ELP4: variants seen among roughly 807,000 people sequenced by gnomAD.
ELP4 encodes the protein elongator acetyltransferase complex subunit 4, also known as elongator complex protein 4.
Under a neutral mutation model 48.9 loss-of-function variants are expected in ELP4, and 51 were observed. That is an observed-to-expected ratio of 1.04 (90% CI 0.83 to 1.32). The LOEUF is 1.32. ELP4 is among the 40% of genes most tolerant of loss of function. The probability of loss-of-function intolerance (pLI) is 0.00; values close to 1 mark genes in which losing one functional copy is unlikely to be tolerated. For synonymous variants in ELP4, 210 were observed against 189.2 expected, an observed-to-expected ratio of 1.11 and a Z score of -0.90; for missense variants, 519 against 514.6, an observed-to-expected ratio of 1.01 and a Z score of -0.08.
intron 9 of ELP4, among the ~76,000 whole-genome samples, chr11:31,774,455 C>T (rs369251926): frequency 1.8e-4 from 27 of 152,280 alleles, no homozygotes; most frequent in African/African-American, 6.5e-4. Context: ...GCCCCAATTG[C>T]CAAATTGTTA....
chr11:31,708,727 CTT>C (rs980354802), intron 9 of ELP4, among the ~76,000 whole-genome samples: 2 of 152,080 alleles, frequency 1.3e-5, no homozygotes, highest in African/African-American at 4.8e-5. Context: ...AGTCAACTAA[CTT>C]TTAATTTCTT....
chr11:31,669,220 T>TC (rs924476946), intron 9 of ELP4, among the ~76,000 whole-genome samples: 1 of 151,988 alleles, frequency 6.6e-6, no homozygotes, highest in Non-Finnish European at 1.5e-5. Context: ...TGCCTCAGCC[T>TC]CCCGAGTAGC....
chr11:31,551,328 T>C (rs1956847807), intron 3 of ELP4, among the ~76,000 whole-genome samples: 1 of 152,212 alleles, frequency 6.6e-6, no homozygotes, highest in Non-Finnish European at 1.5e-5. Context: ...TCCTTGAAAT[T>C]AGTTATCCAT....
chr11:31,517,483 A>T (rs1052652237), intron 1 of ELP4, among the ~76,000 whole-genome samples: 1 of 152,100 alleles, frequency 6.6e-6, no homozygotes, highest in African/African-American at 2.4e-5. Flanking sequence ...AACTTTTGTT[A>T]CTAAGTTTTT....
intron 9 of ELP4, among the ~76,000 whole-genome samples, chr11:31,664,658 A>T (rs902530716): frequency 6.6e-6 from 1 of 152,306 alleles, no homozygotes; most frequent in African/African-American, 2.4e-5. Flanking sequence ...ATATTAAAAT[A>T]GTCCCATAAA....
intron 1 of ELP4, among the ~76,000 whole-genome samples, chr11:31,513,110 G>A (rs923808953): frequency 1.3e-5 from 2 of 151,982 alleles, no homozygotes; most frequent in Non-Finnish European, 1.5e-5. Context: ...TTAATGTGTA[G>A]CATGGGATAA....
chr11:31,657,892 G>A (rs1945471429), intron 9 of ELP4, among the ~76,000 whole-genome samples: 1 of 151,800 alleles, frequency 6.6e-6, no homozygotes, highest in Non-Finnish European at 1.5e-5. Context: ...GTTTAACAGA[G>A]GCCTAGGACT....
rs2134138951 is a variant in ELP4 at position 31,691,368 on chromosome 11, T to TA, written c.1143+41149dup. ...CAGGGATAAGCTGCTCACTTAGATA[T>TA]AATATATCTAATGACCTTTTCAGTT... is the stretch of plus-strand genomic sequence containing the variant. On this transcript the variant is annotated intron_variant, in intron 9 of 9. Transcript: ENST00000640961. 2.0e-5 allele frequency among the ~76,000 whole-genome samples: 3 copies of TA among 152,234 alleles called. No individual in the cohort carries two copies. The South Asian group carries it at 6.2e-4, about 32-fold the overall frequency.
chr11:31,586,389 T>C (rs541380561), intron 3 of ELP4, among the ~76,000 whole-genome samples: 1 of 152,170 alleles, frequency 6.6e-6, no homozygotes, highest in Non-Finnish European at 1.5e-5. Context: ...GGGGAAGGAA[T>C]AATATAAAGC....
chr11:31,640,830 G>A (rs1945080263), intron 7 of ELP4, among the ~76,000 whole-genome samples: 2 of 151,920 alleles, frequency 1.3e-5, no homozygotes, highest in Admixed American at 1.3e-4. Flanking sequence ...CAGCATAGTA[G>A]AGCCACTGTA....
At chr11:31,572,837 C>CA (rs1353341421) in intron 3 of ELP4, among the ~76,000 whole-genome samples, 11 of 151,990 alleles carry the variant, frequency 7.2e-5, no homozygotes, top group East Asian at 3.9e-4. Context: ...ACCATCTCTA[C>CA]AAAAAAATAG....
chr11:31,522,349 T>A (rs1180723611), intron 2 of ELP4, among the ~76,000 whole-genome samples: 1 of 152,214 alleles, frequency 6.6e-6, no homozygotes, highest in East Asian at 1.9e-4. Context: ...TCCTTGAAAT[T>A]ATAGTGTCCT....
chr11:31,638,295 T>C (rs555411081), intron 7 of ELP4, among the ~76,000 whole-genome samples: 4 of 151,996 alleles, frequency 2.6e-5, no homozygotes, highest in South Asian at 4.1e-4. Flanking sequence ...TTAATGTACT[T>C]GTCTAGAGAA....
At chr11:31,716,622 T>C (rs1946847129) in intron 9 of ELP4, among the ~76,000 whole-genome samples, 1 of 152,202 alleles carries the variant, frequency 6.6e-6, no homozygotes, top group East Asian at 1.9e-4. Context: ...AAATAATACA[T>C]GTAGTTTCAG....
At chr11:31,757,836 T>G (rs1391135883) in intron 9 of ELP4, among the ~76,000 whole-genome samples, 1 of 152,152 alleles carries the variant, frequency 6.6e-6, no homozygotes, top group East Asian at 1.9e-4. Flanking sequence ...GAAGTGGAGG[T>G]AATAGTTTAT....
At chr11:31,526,886 A>G (rs1956303426) in intron 2 of ELP4, among the ~76,000 whole-genome samples, 1 of 151,916 alleles carries the variant, frequency 6.6e-6, no homozygotes, top group African/African-American at 2.4e-5. Context: ...GGGGAAAAAA[A>G]TCTTCCCTCT....
At chr11:31,537,168 G>T (rs368737616) in intron 2 of ELP4, among the ~76,000 whole-genome samples, 1 of 152,176 alleles carries the variant, frequency 6.6e-6, no homozygotes, top group East Asian at 1.9e-4. Flanking sequence ...AGGTAAGATG[G>T]AGGTTTTTGC....
chr11:31,687,404 G>A (rs1946183404), intron 9 of ELP4, among the ~76,000 whole-genome samples: 1 of 152,122 alleles, frequency 6.6e-6, no homozygotes, highest in Non-Finnish European at 1.5e-5. Flanking sequence ...AATTTTGAAG[G>A]AATAATGAAC....
intron 9 of ELP4, among the ~76,000 whole-genome samples, chr11:31,770,682 A>C (rs1006948072): frequency 6.6e-6 from 1 of 151,944 alleles, no homozygotes; most frequent in Non-Finnish European, 1.5e-5. Flanking sequence ...TTGGGAGGCC[A>C]AGGCAAGAGG....
Sources: allele counts gnomAD v4.1 joint callset (sites outside exome capture counted in the v4.1 genomes callset), GRCh38; gene constraint gnomAD v4.1.1; transcripts MANE v1.5; gene names NCBI Gene and HGNC (gene_info 2026-07-23, HGNC 2026-07-21).